The following IGSF21 variants were observed in gnomAD, a reference collection of about 807,000 sequenced individuals.
IGSF21 encodes the protein immunoglobulin superfamily member 21.
IGSF21 carries 28 observed loss-of-function variants against 46.8 expected under a neutral mutation model. The observed-to-expected ratio is 0.60, with a 90% CI of 0.44 to 0.82. The LOEUF (loss-of-function observed/expected upper bound fraction) is 0.82. Among genes scored for constraint, IGSF21 ranks in the 40% least tolerant of loss-of-function variants. The pLI is 0.00. For missense variants in IGSF21, 624 were observed against 665.5 expected (o/e 0.94, Z 0.69); for synonymous variants, 284 against 273.6 (o/e 1.04, Z -0.38).
chr1:18,377,541 A>G, intron 9 of IGSF21, 110 bp downstream of exon 9: 2 of 882,910 alleles, frequency 2.3e-6, no homozygotes, highest in Non-Finnish European at 3.8e-6. Context: ...ACTCCCTGAC[A>G]CCTCAGGCAG....
intron 2 of IGSF21, among the ~76,000 whole-genome samples, chr1:18,274,042 C>T (rs1340625311): frequency 6.6e-6 from 1 of 152,188 alleles, no homozygotes; most frequent in East Asian, 1.9e-4. Context: ...CAGGGGCTCA[C>T]ATGGTCCAGT....
chr1:18,286,076 G>C (rs904820979), intron 2 of IGSF21, among the ~76,000 whole-genome samples: 2 of 152,196 alleles, frequency 1.3e-5, no homozygotes, highest in African/African-American at 4.8e-5. Flanking sequence ...GAGTGGCAGA[G>C]CTGGGATCTG....
intron 3 of IGSF21, among the ~76,000 whole-genome samples, chr1:18,317,016 G>A (rs894420511): frequency 1.1e-4 from 17 of 152,136 alleles, no homozygotes; most frequent in African/African-American, 2.7e-4. Context: ...AGAATTGATC[G>A]ACATCTCTCT....
In IGSF21 at chr1:18,335,760, C is replaced by T. The variant is rs928031134; in HGVS notation, c.424+750C>T. 3.9e-5 allele frequency among the ~76,000 whole-genome samples: 6 copies of T among 152,152 alleles called. No homozygotes were observed. Among genetic ancestry groups the T allele is most frequent in the African/African-American group, 1.2e-4 (5 of 41,430 alleles). On this transcript the variant is annotated intron_variant, in intron 4 of 9. Coordinates refer to ENST00000251296, the MANE Select transcript of IGSF21 (RefSeq NM_032880.5). This position sits in a 1 kb window ranked among gnomAD's most constrained non-coding sequence, Gnocchi z 4.8. Reference sequence around the variant, plus strand: ...GGAAACAAAGCTTGCGGTACACAGGCAATCGATGAAAGCATAAAGGCCCTG... The same window carrying T: ...GGAAACAAAGCTTGCGGTACACAGGTAATCGATGAAAGCATAAAGGCCCTG...
chr1:18,270,786 A>C (rs559182525), intron 2 of IGSF21, among the ~76,000 whole-genome samples: 2 of 152,214 alleles, frequency 1.3e-5, no homozygotes, highest in African/African-American at 4.8e-5. Context: ...ATTCAAAAAA[A>C]AAAAGGAAAC....
Position 18,342,049 on chromosome 1 carries a change from T to C in IGSF21, c.424+7039T>C, listed in dbSNP as rs562647219. ...TTTATTAAGTGTGCCTGGTGCATTTTCCTTGTTTTTTTTTTTTTTGTTTGT... is the reference window on the plus strand; with the variant it reads ...TTTATTAAGTGTGCCTGGTGCATTTCCCTTGTTTTTTTTTTTTTTGTTTGT... On this transcript the variant is annotated intron_variant, in intron 4 of 9. Transcript: ENST00000251296. Among the ~76,000 whole-genome samples, 107 of 69,266 alleles carry C rather than the reference T, an allele frequency of 1.5e-3. 3 individuals are homozygous for C. The South Asian group carries it at 0.058, about 37-fold the overall frequency. The allele number at this position is 69,266 out of a possible 152,430, so 45.4% of individuals were successfully genotyped here. A position where few individuals can be genotyped will look rare whatever the true frequency, so the allele number is the denominator to read the frequency against.
chr1:18,234,661 T>C (rs184117400), intron 2 of IGSF21, among the ~76,000 whole-genome samples: 1 of 152,152 alleles, frequency 6.6e-6, no homozygotes, highest in Admixed American at 6.5e-5. Flanking sequence ...GCAGGGGAAA[T>C]GCCAGGTGCT....
intron 4 of IGSF21, among the ~76,000 whole-genome samples, chr1:18,355,829 CTTTTTTTTTT>C (rs61589417): frequency 1.1e-5 from 1 of 88,966 alleles, no homozygotes; most frequent in Non-Finnish European, 2.2e-5. Context: ...TGTCTAGACT[CTTTTTTTTTT>C]TTTTTTTTTT....
chr1:18,227,885 C>A lies in IGSF21; in HGVS notation c.71-13C>A. 6.2e-7 allele frequency: 1 copy of A among 1,607,798 alleles called. No individual in the cohort carries two copies. Among genetic ancestry groups the A allele is most frequent in the Non-Finnish European group, 8.5e-7 (1 of 1,174,330 alleles). On this transcript the variant is annotated splice_polypyrimidine_tract_variant and intron_variant, in intron 1 of 9. Coordinates refer to ENST00000251296, the MANE Select transcript of IGSF21 (RefSeq NM_032880.5). ...CTCGTGCCCTTACCACCCCTTTCTC[C>A]TCTCTTCTGTAGGCTACCTGACAGT...
At chr1:18,370,568 A>C (rs2086214879) in intron 6 of IGSF21, among the ~76,000 whole-genome samples, 1 of 151,446 alleles carries the variant, frequency 6.6e-6, no homozygotes, top group Non-Finnish European at 1.5e-5. Context: ...CAAAATAAAA[A>C]CTAAATAAAA....
At chr1:18,124,295 C>T (rs1248101367) in intron 1 of IGSF21, among the ~76,000 whole-genome samples, 1 of 152,228 alleles carries the variant, frequency 6.6e-6, no homozygotes, top group Non-Finnish European at 1.5e-5. Context: ...AGCACTGTGA[C>T]AAGCTCCTGC....
intron 1 of IGSF21, among the ~76,000 whole-genome samples, chr1:18,202,061 T>A (rs971730067): frequency 1.5e-4 from 23 of 152,322 alleles, no homozygotes; most frequent in African/African-American, 5.5e-4. Flanking sequence ...CCCAGCTCAT[T>A]TCTGCTTCCA....
At chr1:18,342,063 T>TG (rs1557652446) in intron 4 of IGSF21, among the ~76,000 whole-genome samples, 6 of 150,526 alleles carry the variant, frequency 4.0e-5, no homozygotes, top group African/African-American at 1.5e-4. Context: ...TGTTTTTTTT[T>TG]TTTTTGTTTG....
intron 3 of IGSF21, among the ~76,000 whole-genome samples, chr1:18,308,257 C>T (rs955256616): frequency 3.9e-5 from 6 of 152,148 alleles, no homozygotes; most frequent in Admixed American, 2.6e-4. Flanking sequence ...TCTAGGGGAC[C>T]GCTTCTTGGC....
chr1:18,124,985 C>T (rs956350032), intron 1 of IGSF21, among the ~76,000 whole-genome samples: 7 of 152,090 alleles, frequency 4.6e-5, no homozygotes, highest in Non-Finnish European at 7.4e-5. Context: ...GAAGATGTGC[C>T]GCCAGCATCC....
chr1:18,252,356 G>C (rs2124528409), intron 2 of IGSF21, among the ~76,000 whole-genome samples: 1 of 152,268 alleles, frequency 6.6e-6, no homozygotes, highest in East Asian at 1.9e-4. Context: ...GCCTGACCAA[G>C]GCTTTTTTAA....
intron 4 of IGSF21, among the ~76,000 whole-genome samples, chr1:18,350,895 G>A (rs1464148872): frequency 2.6e-5 from 4 of 152,198 alleles, no homozygotes; most frequent in Middle Eastern, 3.2e-3. Context: ...GCGGTGGGGG[G>A]TAGGGGCTCT....
intron 3 of IGSF21, among the ~76,000 whole-genome samples, chr1:18,324,084 G>A (rs1235265106): frequency 6.6e-6 from 1 of 152,110 alleles, no homozygotes; most frequent in African/African-American, 2.4e-5. Flanking sequence ...CATCTGTGCT[G>A]AGTGTTCTCA....
chr1:18,373,908 G>A (rs898243899), intron 6 of IGSF21, among the ~76,000 whole-genome samples: 1 of 152,208 alleles, frequency 6.6e-6, no homozygotes, highest in Non-Finnish European at 1.5e-5. Flanking sequence ...TTTGACACCT[G>A]AGAAAAGTTG....
Sources: allele counts gnomAD v4.1 joint callset (sites outside exome capture counted in the v4.1 genomes callset), GRCh38; gene constraint gnomAD v4.1.1; non-coding constraint Gnocchi (gnomAD v3.1); transcripts MANE v1.5; gene names NCBI Gene and HGNC (gene_info 2026-07-23, HGNC 2026-07-21).